The following MS4A14 variants were observed in gnomAD, a reference collection of about 807,000 sequenced individuals.
MS4A14 encodes the protein membrane spanning 4-domains A14.
In MS4A14, 18 loss-of-function variants were observed where a neutral mutation model predicts 16.7. The observed-to-expected ratio is 1.08, with a 90% CI of 0.75 to 1.60. The LOEUF is 1.60. Ranked by LOEUF, MS4A14 falls within the 40% of genes most tolerant of loss-of-function variation. The probability of loss-of-function intolerance (pLI) is 0.00; values close to 1 mark genes in which losing one functional copy is unlikely to be tolerated. For missense variants in MS4A14, 812 were observed against 775.3 expected (o/e 1.05, Z -0.56); for synonymous variants, 305 against 289.4 (o/e 1.05, Z -0.55).
At position 60,417,461 on chromosome 11, in the gene MS4A14, T is replaced by C. The variant is rs758411045; in HGVS notation, c.*453T>C. The C allele has an allele frequency of 1.6e-4, 25 of 154,606 alleles. No homozygotes were observed. Among genetic ancestry groups the C allele is most frequent in the Non-Finnish European group, 2.7e-4 (19 of 69,650 alleles). 9.6% of individuals were successfully genotyped at this position (154,606 alleles called of 1,614,324 possible). The stretch of plus-strand genomic sequence containing the variant: ...AGATGTGAATTTAACTTCTACTTCA[T>C]GTGATCCAAAAGATCAACAGCAATC... On this transcript the variant is annotated 3_prime_UTR_variant, in exon 5 of 5. Coordinates refer to ENST00000300187, the MANE Select transcript of MS4A14 (RefSeq NM_032597.5).
chr11:60,408,652 A>T (rs1479062371), intron 4 of MS4A14, among the ~76,000 whole-genome samples: 2 of 152,194 alleles, frequency 1.3e-5, no homozygotes, highest in Non-Finnish European at 2.9e-5. Context: ...TCCTTCTATG[A>T]CTAAATAAAA....
Position 60,416,017 on chromosome 11 carries a change from T to C in MS4A14, c.1049T>C (p.Leu350Pro). 1.2e-6 allele frequency: 2 copies of C among 1,613,858 alleles called. No homozygotes were observed. Among genetic ancestry groups the C allele is most frequent in the Non-Finnish European group, 1.7e-6 (2 of 1,179,940 alleles). Residue 350 changes from leucine (L) to proline (P), a missense_variant, in exon 5 of 5, where the codon CTG becomes CCG. Physicochemically the swap from Leu to Pro is moderately conservative, Grantham distance 98. Transcript: ENST00000300187. The stretch of plus-strand genomic sequence containing the variant: ...TCCCATGTCAAACAGTCTTCTAATC[T>C]GACAGCTAATGACCTGCCCCCTCAA... ...TSSHVKQSSN[L>P]TANDLPPQGI...
In MS4A14 at chr11:60,415,839, A is replaced by G; in HGVS notation, c.871A>G (p.Thr291Ala). The G allele has an allele frequency of 6.2e-7, 1 of 1,613,910 alleles. No homozygotes were observed. Among genetic ancestry groups the G allele is most frequent in the East Asian group, 2.2e-5 (1 of 44,866 alleles). The change falls in exon 5 of 5, where the codon ACC (threonine) becomes GCC (alanine). Residue 291 changes from threonine to alanine, a missense_variant. Physicochemically the swap from Thr to Ala is moderately conservative, Grantham distance 58 (BLOSUM62 0). Coordinates refer to ENST00000300187, the MANE Select transcript of MS4A14 (RefSeq NM_032597.5). Reference sequence around the variant, plus strand: ...TATTGTACAACCTTCTCAAATGCAAACCAAGCTTCTGCAGGACCAAGCTGC... The same window carrying G: ...TATTGTACAACCTTCTCAAATGCAAGCCAAGCTTCTGCAGGACCAAGCTGC... The part of the protein sequence containing the change: ...SAIVQPSQMQ[T>A]KLLQDQAASL...
intron 1 of MS4A14, among the ~76,000 whole-genome samples, chr11:60,397,490 GA>G (rs1565172236): frequency 6.6e-6 from 1 of 152,182 alleles, no homozygotes; most frequent in East Asian, 1.9e-4. Flanking sequence ...TGAGACAGAC[GA>G]AAAAACAAAT....
Position 60,416,960 on chromosome 11 carries a change from A to T in MS4A14, c.1992A>T (p.Gly664=). 1 of 1,613,456 alleles carries T rather than the reference A, an allele frequency of 6.2e-7. No homozygotes were observed. The highest frequency in any genetic ancestry group is 1.1e-5 in the South Asian group (1 of 90,986). ...TCCACAAAGGCAATCTCCAGGCTGG[A>T]CAACCCAGGACTGTCAATCTTTTGG... ...WQFHKGNLQA[G]QPRTVNLLAK... The change falls in exon 5 of 5, where the codon GGA becomes GGT. Residue 664 remains glycine, a synonymous_variant. Transcript: ENST00000300187.
At chr11:60,411,626 C>A (rs979039019) in intron 4 of MS4A14, among the ~76,000 whole-genome samples, 1 of 152,054 alleles carries the variant, frequency 6.6e-6, no homozygotes, top group Non-Finnish European at 1.5e-5. Flanking sequence ...TATCTTGAAC[C>A]TTGTTGCAAT....
rs553832923 is a variant in MS4A14, at chr11:60,414,696, A to G, written c.469-741A>G. The stretch of plus-strand genomic sequence containing the variant: ...AAGTCCAAATTTCCTAGCCTAGCAT[A>G]CCATCTAATAATATCAGTAATATCT... On this transcript the variant is annotated intron_variant, in intron 4 of 4. Transcript: ENST00000300187. Among the ~76,000 whole-genome samples, 7 of 152,234 alleles carry G rather than the reference A, an allele frequency of 4.6e-5. No homozygotes were observed. The South Asian group carries it at 1.4e-3, about 32-fold the overall frequency.
chr11:60,410,476 G>GTTA (rs1474136054), intron 4 of MS4A14, among the ~76,000 whole-genome samples: 1 of 151,758 alleles, frequency 6.6e-6, no homozygotes, highest in East Asian at 1.9e-4. Context: ...CTATTATTTT[G>GTTA]TTGTTTTCTG....
At chr11:60,409,758 GT>G (rs1590816465) in intron 4 of MS4A14, among the ~76,000 whole-genome samples, 1 of 151,332 alleles carries the variant, frequency 6.6e-6, no homozygotes, top group African/African-American at 2.4e-5. Context: ...GATCATATTT[GT>G]TTTTATCATG....
At chr11:60,411,642 A>G (rs759488692) in intron 4 of MS4A14, among the ~76,000 whole-genome samples, 18 of 152,118 alleles carry the variant, frequency 1.2e-4, no homozygotes, top group Non-Finnish European at 2.4e-4. Flanking sequence ...GCAATCCTGT[A>G]TTAGGTCTAG....
intron 4 of MS4A14, among the ~76,000 whole-genome samples, chr11:60,414,671 A>C (rs891340156): frequency 1.3e-5 from 2 of 152,120 alleles, no homozygotes; most frequent in Admixed American, 1.3e-4. Flanking sequence ...TTGTAAAGGA[A>C]AGTCCAAATT....
intron 4 of MS4A14, among the ~76,000 whole-genome samples, chr11:60,406,510 C>T (rs1043885339): frequency 2.6e-5 from 4 of 152,202 alleles, no homozygotes; most frequent in African/African-American, 9.6e-5. Flanking sequence ...CTTTATTTTA[C>T]ATATGAAGGA....
In MS4A14 at chr11:60,412,416, A is replaced by C. The variant is rs191426620; in HGVS notation, c.469-3021A>C. On this transcript the variant is annotated intron_variant, in intron 4 of 4. Coordinates refer to ENST00000300187, the MANE Select transcript of MS4A14 (RefSeq NM_032597.5). ...TTACGAATCTTTTTACTTGTTATGG[A>C]TCTGTAAAGATTTTCTATTTCTTCT... 7.8e-3 allele frequency among the ~76,000 whole-genome samples: 1,179 copies of C among 151,652 alleles called. 15 individuals carry two copies. The highest frequency in any genetic ancestry group is 0.025 in the African/African-American group (1,023 of 41,418).
rs779500660 is a variant in MS4A14 at position 60,416,748 on chromosome 11, G to A, written c.1780G>A (p.Glu594Lys). 2 of 1,613,544 alleles carry A rather than the reference G, an allele frequency of 1.2e-6. No homozygotes were observed. The highest frequency in any genetic ancestry group is 2.7e-5 in the African/African-American group (2 of 74,984). ...AGTTAAAGACCAGCAGACTGATAAG[G>A]AGCAAAACTCAAAGAAGCAAACCCA... is the stretch of plus-strand genomic sequence containing the variant. ...GQVKDQQTDK[E>K]QNSKKQTQDQ... Residue 594 changes from glutamate (E) to lysine (K), a missense_variant, in exon 5 of 5, where the codon GAG becomes AAG. Glu to Lys is a moderately conservative substitution (Grantham distance 56). Coordinates refer to ENST00000300187, the MANE Select transcript of MS4A14 (RefSeq NM_032597.5).
chr11:60,402,696 C>T lies in MS4A14; in HGVS notation c.319-216C>T, dbSNP rs572555207. 2.0e-5 allele frequency among the ~76,000 whole-genome samples: 3 copies of T among 152,230 alleles called. No individual in the cohort carries two copies. In the South Asian group the frequency reaches 6.2e-4, roughly 32 times the overall value. On this transcript the variant is annotated intron_variant, in intron 3 of 4. Coordinates refer to ENST00000300187, the MANE Select transcript of MS4A14 (RefSeq NM_032597.5). ...AAATGAACATTTTCTTTAGCATTAG[C>T]CATAGAGCATCCTTAGCCCATTCTA...
chr11:60,409,670 G>A (rs1455700748), intron 4 of MS4A14, among the ~76,000 whole-genome samples: 1 of 151,314 alleles, frequency 6.6e-6, no homozygotes, highest in African/African-American at 2.4e-5. Context: ...GAATAGCACT[G>A]CAGTAAATAT....
chr11:60,401,796 C>A (rs1420390719), intron 3 of MS4A14, among the ~76,000 whole-genome samples: 1 of 152,130 alleles, frequency 6.6e-6, no homozygotes, highest in African/African-American at 2.4e-5. Context: ...CTTGAGAAAA[C>A]AAGGGGACTA....
In MS4A14 at chr11:60,396,730, A is replaced by G. The variant is rs757056079; in HGVS notation, c.138+14A>G. 9 of 1,610,796 alleles carry G rather than the reference A, an allele frequency of 5.6e-6. No individual in the cohort carries two copies. In the East Asian group the frequency reaches 1.1e-4, roughly 20 times the overall value. ...AGAGTCTTGGGGGTAAGTCCTCTCC[A>G]GTCAATAGGTCTTCCAGAAGGGGAG... On this transcript the variant is annotated intron_variant, in intron 1 of 4. Transcript: ENST00000300187.
In MS4A14 at chr11:60,406,150, T is replaced by C. The variant is rs535719247; in HGVS notation, c.468+3089T>C. Reference sequence around the variant, plus strand: ...AGGTCAGAGAGGGGCAAGCTTAAGATTGAAGCTCACCCCACCATCTGAAAC... The same window carrying C: ...AGGTCAGAGAGGGGCAAGCTTAAGACTGAAGCTCACCCCACCATCTGAAAC... On this transcript the variant is annotated intron_variant, in intron 4 of 4. Coordinates refer to ENST00000300187, the MANE Select transcript of MS4A14 (RefSeq NM_032597.5). Among the ~76,000 whole-genome samples, 7 of 152,294 alleles carry C rather than the reference T, an allele frequency of 4.6e-5. No individual in the cohort carries two copies. The South Asian group carries it at 8.3e-4, about 18-fold the overall frequency.
Sources: gnomAD v4.1 joint callset for allele counts (sites outside exome capture counted in the v4.1 genomes callset) on GRCh38, gnomAD v4.1.1 for gene constraint, MANE v1.5 for transcripts, NCBI Gene and HGNC (gene_info 2026-07-23, HGNC 2026-07-21) for gene names.